The following AGBL4 variants were observed in gnomAD, a reference collection of about 807,000 sequenced individuals.
AGBL4 encodes the protein AGBL carboxypeptidase 4.
In AGBL4, 58 loss-of-function variants were observed where a neutral mutation model predicts 66.4. The observed-to-expected ratio is 0.87, with a 90% CI of 0.71 to 1.09. The LOEUF (loss-of-function observed/expected upper bound fraction) is 1.09, where lower values mean the gene tolerates loss of function less well. Among genes scored for constraint, AGBL4 ranks in the 50% least tolerant of loss-of-function variants. The pLI, the probability that AGBL4 is intolerant of heterozygous loss-of-function variation, is 0.00. For missense variants in AGBL4, 579 were observed against 631.0 expected (o/e 0.92, Z 0.88); for synonymous variants, 234 against 222.9 (o/e 1.05, Z -0.44).
intron 6 of AGBL4, among the ~76,000 whole-genome samples, chr1:48,831,303 C>T (rs1646546910): frequency 6.6e-6 from 1 of 152,122 alleles, no homozygotes; most frequent in South Asian, 2.1e-4. Context: ...AGCTATGATC[C>T]AGGCGCTCCT....
chr1:49,848,077 C>T (rs1448319196), intron 2 of AGBL4, among the ~76,000 whole-genome samples: 2 of 152,100 alleles, frequency 1.3e-5, no homozygotes, highest in South Asian at 2.1e-4. Flanking sequence ...ATATCTTATA[C>T]CAGTCAGAAT....
At chr1:48,989,716 T>C (rs1369042296) in intron 5 of AGBL4, among the ~76,000 whole-genome samples, 2 of 152,044 alleles carry the variant, frequency 1.3e-5, no homozygotes, top group Non-Finnish European at 2.9e-5. Context: ...CTCATTCTTT[T>C]TATGGTTGAA....
At chr1:48,907,839 C>A (rs1000845924) in intron 5 of AGBL4, among the ~76,000 whole-genome samples, 1 of 152,060 alleles carries the variant, frequency 6.6e-6, no homozygotes, top group East Asian at 1.9e-4. Context: ...CCTGAGGAAT[C>A]CTGGAAGAGA....
In AGBL4 at chr1:49,945,357, C is replaced by G. The variant is rs1655115435; in HGVS notation, c.34+78406G>C. Among the ~76,000 whole-genome samples the G allele has an allele frequency of 2.6e-5, 4 of 152,128 alleles. No homozygotes were observed. The South Asian group carries it at 8.3e-4, about 31-fold the overall frequency. On this transcript the variant is annotated intron_variant, in intron 1 of 13. Coordinates refer to ENST00000371839, the MANE Select transcript of AGBL4 (RefSeq NM_032785.4). ...TATAAAGAAAAACCTATCAAATTAACAGCAGATTTCTCAGCAGAAACCCTA... is the reference window on the plus strand; with the variant it reads ...TATAAAGAAAAACCTATCAAATTAAGAGCAGATTTCTCAGCAGAAACCCTA...
chr1:48,872,515 A>C (rs1463928673), intron 5 of AGBL4, among the ~76,000 whole-genome samples: 1 of 152,198 alleles, frequency 6.6e-6, no homozygotes, highest in Non-Finnish European at 1.5e-5. Context: ...CAGTTTGAAA[A>C]GCCCAGCTAC....
chr1:49,257,010 G>C (rs1652561725), intron 3 of AGBL4, among the ~76,000 whole-genome samples: 1 of 149,568 alleles, frequency 6.7e-6, no homozygotes, highest in Non-Finnish European at 1.5e-5. Flanking sequence ...AAACACAGCA[G>C]ATTAGTTTAT....
At chr1:49,503,310 C>T (rs1382502962) in intron 3 of AGBL4, among the ~76,000 whole-genome samples, 1 of 152,186 alleles carries the variant, frequency 6.6e-6, no homozygotes, top group Non-Finnish European at 1.5e-5. Context: ...TGTATGCAAA[C>T]ACCTGGATGT....
intron 3 of AGBL4, among the ~76,000 whole-genome samples, chr1:49,646,763 C>T (rs1326982656): frequency 6.6e-6 from 1 of 151,936 alleles, no homozygotes; most frequent in Non-Finnish European, 1.5e-5. Flanking sequence ...CTTACACTAG[C>T]TGGTTTCAAG....
chr1:48,684,466 G>A (rs1646500227), intron 6 of AGBL4, among the ~76,000 whole-genome samples: 2 of 152,184 alleles, frequency 1.3e-5, no homozygotes, highest in South Asian at 4.1e-4. Flanking sequence ...ACCTTTGACT[G>A]GGCTATTCAA....
chr1:49,706,348 A>G (rs1647220232), intron 2 of AGBL4, among the ~76,000 whole-genome samples: 3 of 152,196 alleles, frequency 2.0e-5, no homozygotes, highest in Admixed American at 2.0e-4. Flanking sequence ...AGGTGTTTAA[A>G]TTATTCTCTG....
intron 2 of AGBL4, among the ~76,000 whole-genome samples, chr1:49,833,764 G>A (rs1645765992): frequency 6.6e-6 from 1 of 152,138 alleles, no homozygotes; most frequent in Non-Finnish European, 1.5e-5. Context: ...AATTGTGAAT[G>A]GGAGTTCACT....
intron 2 of AGBL4, among the ~76,000 whole-genome samples, chr1:49,724,880 C>T (rs1480333703): frequency 2.0e-5 from 3 of 152,086 alleles, no homozygotes; most frequent in Non-Finnish European, 2.9e-5. Context: ...TGATCTTGGA[C>T]TCTGCAGCCT....
chr1:49,515,333 A>C (rs552286022), intron 3 of AGBL4, among the ~76,000 whole-genome samples: 1 of 152,110 alleles, frequency 6.6e-6, no homozygotes, highest in East Asian at 1.9e-4. Flanking sequence ...CAAAACCACA[A>C]TGAGATATCA....
intron 6 of AGBL4, chr1:48,761,309 C>A: frequency 1.3e-6 from 2 of 1,538,280 alleles, no homozygotes; most frequent in Non-Finnish European, 1.8e-6. Context: ...CTCCAGCATA[C>A]CTCCAAAGAA....
At chr1:49,061,585 T>C (rs1644403588) in intron 4 of AGBL4, among the ~76,000 whole-genome samples, 1 of 152,132 alleles carries the variant, frequency 6.6e-6, no homozygotes, top group Non-Finnish European at 1.5e-5. Context: ...GAAGAATTAC[T>C]GTGGTAGTGT....
chr1:49,047,673 C>G (rs185315390), intron 4 of AGBL4, among the ~76,000 whole-genome samples: 1 of 152,136 alleles, frequency 6.6e-6, no homozygotes, highest in Admixed American at 6.5e-5. Flanking sequence ...CTTGAGAGGG[C>G]AATTGGGGTA....
chr1:48,714,660 C>T lies in AGBL4; in HGVS notation c.635-51419G>A, dbSNP rs902514175. On this transcript the variant is annotated intron_variant, in intron 6 of 13. Coordinates refer to ENST00000371839, the MANE Select transcript of AGBL4 (RefSeq NM_032785.4). ...TTCTGAAACACCAATCTGACCATGC[C>T]GCTTCCTGGCTCAACACTCTTCAAT... is the stretch of plus-strand genomic sequence containing the variant. Among the ~76,000 whole-genome samples the T allele has an allele frequency of 3.3e-5, 5 of 152,174 alleles. No homozygotes were observed. The East Asian group carries it at 5.8e-4, about 18-fold the overall frequency.
At chr1:48,753,729 C>G (rs145717923) in intron 6 of AGBL4, among the ~76,000 whole-genome samples, 4 of 152,322 alleles carry the variant, frequency 2.6e-5, no homozygotes, top group Non-Finnish European at 5.9e-5. Flanking sequence ...ATAATCCCTA[C>G]CTGGCTTGCA....
chr1:49,880,744 C>T (rs1250309838), intron 1 of AGBL4, among the ~76,000 whole-genome samples: 3 of 152,012 alleles, frequency 2.0e-5, no homozygotes, highest in South Asian at 4.1e-4. Flanking sequence ...CAATGGCGGG[C>T]GCCCCTCCCC....
Sources: allele counts gnomAD v4.1 joint callset (sites outside exome capture counted in the v4.1 genomes callset), GRCh38; gene constraint gnomAD v4.1.1; transcripts MANE v1.5; gene names NCBI Gene and HGNC (gene_info 2026-07-23, HGNC 2026-07-21).